SCN10A: variants seen among roughly 807,000 people sequenced by gnomAD.
SCN10A encodes the protein sodium voltage-gated channel alpha subunit 10, also known as sodium channel protein type 10 subunit alpha.
In SCN10A, 162 loss-of-function variants were observed where a neutral mutation model predicts 170.7. The ratio of observed to expected loss-of-function variants is 0.95; its 90% CI spans 0.84 to 1.08. The LOEUF is 1.08. SCN10A is among the 50% of genes least tolerant of loss of function. The pLI, the probability that SCN10A is intolerant of heterozygous loss-of-function variation, is 0.00. For missense variants in SCN10A, 2,527 were observed against 2,436.9 expected, an observed-to-expected ratio of 1.04 and a Z score of -0.78; for synonymous variants, 985 against 904.6, an observed-to-expected ratio of 1.09 and a Z score of -1.59.
chr3:38,811,085 C>T (rs889231834), intron 1 of SCN10A, among the ~76,000 whole-genome samples: 1 of 152,156 alleles, frequency 6.6e-6, no homozygotes, highest in African/African-American at 2.4e-5. Flanking sequence ...CTACAAATTA[C>T]CAGTTGTGGG....
chr3:38,717,675 T>G (rs1405683886), intron 21 of SCN10A, among the ~76,000 whole-genome samples: 3 of 152,162 alleles, frequency 2.0e-5, no homozygotes, highest in African/African-American at 4.8e-5. Context: ...TCATCCAGCT[T>G]CAGGAGGCAA....
At chr3:38,807,281 T>A (rs1431933629) in intron 1 of SCN10A, among the ~76,000 whole-genome samples, 2 of 152,158 alleles carry the variant, frequency 1.3e-5, no homozygotes, top group African/African-American at 4.8e-5. Context: ...AATAACTGAT[T>A]AAGGTTTTCT....
chr3:38,762,966 G>A (rs1048898540), intron 6 of SCN10A, among the ~76,000 whole-genome samples: 11 of 152,124 alleles, frequency 7.2e-5, no homozygotes. Context: ...TGGGCTACTG[G>A]TGACAGTGGA....
At chr3:38,753,020 A>G (rs1265415690) in intron 11 of SCN10A, among the ~76,000 whole-genome samples, 1 of 152,228 alleles carries the variant, frequency 6.6e-6, no homozygotes, top group Admixed American at 6.5e-5. Context: ...TATGAATGTG[A>G]GAGTTTGTGT....
At chr3:38,810,018 C>T (rs932286527) in intron 1 of SCN10A, among the ~76,000 whole-genome samples, 16 of 152,236 alleles carry the variant, frequency 1.1e-4, no homozygotes, top group African/African-American at 3.1e-4. Flanking sequence ...GCACTCTGGG[C>T]TTTGGGACAC....
chr3:38,792,336 A>C (rs947117801), intron 2 of SCN10A, among the ~76,000 whole-genome samples, 168 bp from the exon 3 acceptor site: 1 of 152,144 alleles, frequency 6.6e-6, no homozygotes, highest in Admixed American at 6.6e-5. Flanking sequence ...AGAGAGGATC[A>C]AGGACTAAAA....
rs895881970 is a variant in SCN10A, at chr3:38,697,983, T to G, written c.5237A>C (p.Glu1746Ala). 6 of 1,614,064 alleles carry G rather than the reference T, an allele frequency of 3.7e-6. No individual in the cohort carries two copies. The highest frequency in any genetic ancestry group is 5.1e-6 in the Non-Finnish European group (6 of 1,180,036). Residue 1746 changes from glutamate (E) to alanine (A), a missense_variant, in exon 28 of 28, where the codon GAG becomes GCG. By Grantham distance (107) the Glu-to-Ala change is moderately radical. Transcript: ENST00000449082. ...LSEDDFDMFY[E>A]TWEKFDPEAT... ...CTCTGGGTCAAACTTCTCCCAGGTC[T>G]CATAGAACATGTCAAAGTCGTCCTC...
At chr3:38,772,606 G>A (rs1477331931) in intron 4 of SCN10A, among the ~76,000 whole-genome samples, 2 of 151,930 alleles carry the variant, frequency 1.3e-5, no homozygotes, top group Non-Finnish European at 1.5e-5. Flanking sequence ...GGAGAATGGC[G>A]TGAACCCGGG....
At chr3:38,704,533 T>C (rs1221613294) in intron 26 of SCN10A, among the ~76,000 whole-genome samples, 1 of 152,202 alleles carries the variant, frequency 6.6e-6, no homozygotes, top group Non-Finnish European at 1.5e-5. Context: ...CCCTTGGTGC[T>C]CTCAGAGACG....
intron 14 of SCN10A, among the ~76,000 whole-genome samples, chr3:38,741,060 C>T (rs1244034863): frequency 6.6e-6 from 1 of 152,190 alleles, no homozygotes; most frequent in Admixed American, 6.5e-5. Context: ...CTGCCCCTTT[C>T]ACAGCCCTGG....
Position 38,781,244 on chromosome 3 carries a change from C to T in SCN10A, c.470+7712G>A, listed in dbSNP as rs527426975. 3.9e-5 allele frequency among the ~76,000 whole-genome samples: 6 copies of T among 152,144 alleles called. No individual in the cohort carries two copies. The East Asian group carries it at 1.2e-3, about 29-fold the overall frequency. ...ACTGAGAAGAAGCTCCAAAGCACTT[C>T]CCAAAACCCAACTTGCACCAAAAAA... On this transcript the variant is annotated intron_variant, in intron 4 of 27. Coordinates refer to ENST00000449082, the MANE Select transcript of SCN10A (RefSeq NM_006514.4).
chr3:38,763,909 G>C lies in SCN10A; in HGVS notation c.600-313C>G, dbSNP rs573361908. 1.1e-4 allele frequency among the ~76,000 whole-genome samples: 17 copies of C among 152,296 alleles called. No homozygotes were observed. The South Asian group carries it at 1.2e-3, about 11-fold the overall frequency. On this transcript the variant is annotated intron_variant, in intron 5 of 27. Transcript: ENST00000449082. ...TCTCAGAAGGAGACCGCCATGTCAG[G>C]GGGGTACAAGGCTGGGCCTTTTCTG...
At chr3:38,753,295 C>T (rs1315507219) in intron 11 of SCN10A, among the ~76,000 whole-genome samples, 1 of 152,190 alleles carries the variant, frequency 6.6e-6, no homozygotes, top group Non-Finnish European at 1.5e-5. Flanking sequence ...GTTCCCATGA[C>T]CATAGTGAAA....
intron 4 of SCN10A, 123 bp from the exon 5 acceptor site, chr3:38,771,530 C>T (rs1401330246): frequency 1.0e-6 from 1 of 955,784 alleles, no homozygotes; most frequent in Non-Finnish European, 1.6e-6. Context: ...CAAAGAATAT[C>T]ACCAAGGTGA....
At chr3:38,708,939 G>A (rs996479504) in intron 25 of SCN10A, among the ~76,000 whole-genome samples, 1 of 152,136 alleles carries the variant, frequency 6.6e-6, no homozygotes. Context: ...AAGGATAATA[G>A]GAAAATACTT....
intron 7 of SCN10A, 111 bp from the exon 8 acceptor site, chr3:38,760,858 A>G (rs1365052649): frequency 1.2e-6 from 1 of 842,878 alleles, no homozygotes; most frequent in African/African-American, 1.7e-5. Flanking sequence ...TCCTTTGGCT[A>G]CATGTACTCA....
At chr3:38,775,236 A>G (rs766492868) in intron 4 of SCN10A, among the ~76,000 whole-genome samples, 4 of 152,184 alleles carry the variant, frequency 2.6e-5, no homozygotes, top group Non-Finnish European at 5.9e-5. Flanking sequence ...CCATTAAATA[A>G]TAACTCCCCA....
intron 15 of SCN10A, among the ~76,000 whole-genome samples, chr3:38,735,169 CAAAAAAA>C (rs543574832): frequency 7.9e-5 from 6 of 76,162 alleles, no homozygotes; most frequent in Middle Eastern, 8.2e-3. Context: ...GACTCTGTCT[CAAAAAAA>C]AAAAAAAAAA....
At chr3:38,756,423 T>C (rs188367936) in intron 10 of SCN10A, among the ~76,000 whole-genome samples, 1 of 152,304 alleles carries the variant, frequency 6.6e-6, no homozygotes, top group African/African-American at 2.4e-5. Context: ...CCTTGTTTAG[T>C]TCCACCCTCT....
Sources: gnomAD v4.1 joint callset for allele counts (sites outside exome capture counted in the v4.1 genomes callset) on GRCh38, gnomAD v4.1.1 for gene constraint, MANE v1.5 for transcripts, NCBI Gene and HGNC (gene_info 2026-07-23, HGNC 2026-07-21) for gene names.